ATXN8OS: variants seen among roughly 807,000 people sequenced by gnomAD.
ATXN8OS encodes the protein ATXN8 opposite strand lncRNA.
At chr13:70,157,741 T>C (rs1338772181) in intron 4 of ATXN8OS, among the ~76,000 whole-genome samples, 3 of 152,064 alleles carry the variant, frequency 2.0e-5, no homozygotes, top group African/African-American at 4.8e-5. Context: ...AAAAGAAAAA[T>C]TCCACCTGAC....
At chr13:70,171,319 C>T (rs974529232) in exon 5 of ATXN8OS, among the ~76,000 whole-genome samples, 5 of 152,072 alleles carry the variant, frequency 3.3e-5, no homozygotes, top group Admixed American at 6.6e-5. Flanking sequence ...TACAGAGAAA[C>T]CTTTGGGCGT....
intron 4 of ATXN8OS, among the ~76,000 whole-genome samples, chr13:70,152,368 C>T (rs370534585): frequency 6.6e-6 from 1 of 151,206 alleles, no homozygotes; most frequent in African/African-American, 2.4e-5. Context: ...TGTATATATA[C>T]ATATATATGT....
chr13:70,120,336 A>T (rs9599552), intron 2 of ATXN8OS, among the ~76,000 whole-genome samples: 16,701 of 152,224 alleles, frequency 0.11, 1,203 homozygotes, highest in Non-Finnish European at 0.16. Context: ...AGTAAGGAGA[A>T]ATCTGCTGAT....
At chr13:70,116,670 G>A (rs563373949) in intron 2 of ATXN8OS, among the ~76,000 whole-genome samples, 2 of 152,262 alleles carry the variant, frequency 1.3e-5, no homozygotes, top group East Asian at 1.9e-4. Context: ...GAGCATTGGA[G>A]TGATAGCATC....
intron 3 of ATXN8OS, among the ~76,000 whole-genome samples, chr13:70,134,672 T>C (rs988368316): frequency 2.6e-5 from 4 of 152,170 alleles, no homozygotes; most frequent in African/African-American, 4.8e-5. Context: ...AACAATGTGT[T>C]TCCTGAATAG....
intron 4 of ATXN8OS, among the ~76,000 whole-genome samples, chr13:70,162,037 A>G (rs1889015900): frequency 6.6e-6 from 1 of 152,142 alleles, no homozygotes; most frequent in Admixed American, 6.6e-5. Context: ...TAAGAGAAGG[A>G]GAAGAAAAAA....
At chr13:70,141,128 C>A (rs540942833) in intron 3 of ATXN8OS, among the ~76,000 whole-genome samples, 1 of 152,268 alleles carries the variant, frequency 6.6e-6, no homozygotes, top group Admixed American at 6.5e-5. Context: ...CTCAAGGCTT[C>A]CCTAGTTCTT....
intron 3 of ATXN8OS, among the ~76,000 whole-genome samples, chr13:70,145,711 G>C (rs1052150492): frequency 2.0e-5 from 3 of 152,108 alleles, no homozygotes; most frequent in African/African-American, 7.2e-5. Context: ...TGTATCCTGA[G>C]ACTTTGCTGA....
At chr13:70,130,372 C>A (rs1032938425) in intron 3 of ATXN8OS, among the ~76,000 whole-genome samples, 2 of 152,066 alleles carry the variant, frequency 1.3e-5, no homozygotes, top group African/African-American at 2.4e-5. Flanking sequence ...TTTAAATTCA[C>A]GTTTTGTAGA....
At chr13:70,128,276 C>T (rs1344709851) in intron 2 of ATXN8OS, among the ~76,000 whole-genome samples, 1 of 152,106 alleles carries the variant, frequency 6.6e-6, no homozygotes, top group African/African-American at 2.4e-5. Flanking sequence ...TAGAATAACA[C>T]AGCTGGGGTC....
intron 4 of ATXN8OS, among the ~76,000 whole-genome samples, chr13:70,164,476 T>TA (rs1277245457): frequency 6.6e-6 from 1 of 151,864 alleles, no homozygotes; most frequent in African/African-American, 2.4e-5. Context: ...TTCTGAAAGT[T>TA]AAAAAATTAG....
chr13:70,160,035 G>T (rs1888984989), intron 4 of ATXN8OS, among the ~76,000 whole-genome samples: 1 of 151,944 alleles, frequency 6.6e-6, no homozygotes, highest in Admixed American at 6.6e-5. Flanking sequence ...ATTTATCTAG[G>T]GTGGATACCT....
intron 4 of ATXN8OS, among the ~76,000 whole-genome samples, chr13:70,160,159 T>G (rs1039864641): frequency 1.5e-5 from 2 of 135,984 alleles, no homozygotes; most frequent in African/African-American, 4.9e-5. Flanking sequence ...GGTATCATTT[T>G]TGTTGACTTT....
At chr13:70,161,135 A>T (rs959601658) in intron 4 of ATXN8OS, among the ~76,000 whole-genome samples, 2 of 151,808 alleles carry the variant, frequency 1.3e-5, no homozygotes, top group African/African-American at 4.8e-5. Context: ...CAAGATTTAA[A>T]TTTTTTTAAT....
At chr13:70,136,413 C>T (rs953974745) in intron 3 of ATXN8OS, among the ~76,000 whole-genome samples, 9 of 151,756 alleles carry the variant, frequency 5.9e-5, no homozygotes, top group African/African-American at 2.2e-4. Context: ...ACATCATATC[C>T]AAATTGTATC....
At chr13:70,126,166 A>C (rs993857464) in intron 2 of ATXN8OS, among the ~76,000 whole-genome samples, 6 of 152,132 alleles carry the variant, frequency 3.9e-5, no homozygotes, top group African/African-American at 1.4e-4. Flanking sequence ...TTCTCTGGCC[A>C]TTGTAAGCTC....
intron 1 of ATXN8OS, among the ~76,000 whole-genome samples, chr13:70,109,493 G>A (rs772325287): frequency 2.0e-5 from 3 of 152,180 alleles, no homozygotes; most frequent in African/African-American, 4.8e-5. Context: ...AGCTGTAAAC[G>A]TAACCAGAAA....
At chr13:70,143,845 TCA>T (rs1447160920) in intron 3 of ATXN8OS, among the ~76,000 whole-genome samples, 2 of 152,160 alleles carry the variant, frequency 1.3e-5, no homozygotes, top group East Asian at 3.8e-4. Context: ...TAGTTATTTT[TCA>T]CAAAGTGTGT....
chr13:70,161,267 C>A (rs2498516), intron 4 of ATXN8OS, among the ~76,000 whole-genome samples: 142,449 of 152,140 alleles, frequency 0.94, 67,096 homozygotes, highest in East Asian at 1. Flanking sequence ...AAAGAGTAAA[C>A]CACCAAGTAT....
Sources: gnomAD v4.1 joint callset for allele counts (sites outside exome capture counted in the v4.1 genomes callset) on GRCh38, gnomAD v4.1.1 for gene constraint, MANE v1.5 for transcripts, NCBI Gene and HGNC (gene_info 2026-07-23, HGNC 2026-07-21) for gene names.